Variants in SSH2 observed in about 807,000 individuals in gnomAD.
SSH2 encodes the protein slingshot protein phosphatase 2.
SSH2 carries 37 observed loss-of-function variants against 135.2 expected under a neutral mutation model. The ratio of observed to expected loss-of-function variants is 0.27; its 90% confidence interval spans 0.21 to 0.36. SSH2 has a LOEUF of 0.36. Ranked by LOEUF, SSH2 falls within the 10% of genes least tolerant of loss-of-function variation. The pLI, the probability that SSH2 is intolerant of heterozygous loss-of-function variation, is 1.00. For synonymous variants in SSH2, 628 were observed against 646.2 expected (o/e 0.97, Z 0.43); for missense variants, 1,408 against 1,765.3 (o/e 0.80, Z 3.63).
At chr17:29,724,894 A>T (rs576656972) in intron 3 of SSH2, among the ~76,000 whole-genome samples, 51 of 151,592 alleles carry the variant, frequency 3.4e-4, no homozygotes, top group African/African-American at 1.2e-3. Context: ...CTGGCCGTTA[A>T]TTTTTTCTGA....
Position 29,636,648 on chromosome 17 carries a change from G to A in SSH2, c.1582C>T (p.Pro528Ser), listed in dbSNP as rs1191231236. ...IAEVKTMESH[P>S]PIPPVFVEHM... Reference sequence around the variant, plus strand: ...TCCACAAAGACAGGAGGTATGGGTGGGTGACTCTCCATGGTCTTCACCTCA... The same window carrying A: ...TCCACAAAGACAGGAGGTATGGGTGAGTGACTCTCCATGGTCTTCACCTCA... Residue 528 changes from proline to serine, a missense_variant, in exon 15 of 16, where the codon CCA becomes TCA. Around this residue, in one of 3 missense-constraint regions of SSH2, gnomAD observed 1,080 missense variants for 1,144.5 expected, o/e 0.94. Coordinates refer to ENST00000540801, the MANE Select transcript of SSH2 (RefSeq NM_001282129.2). The A allele has an allele frequency of 6.2e-7, 1 of 1,614,096 alleles. No homozygotes were observed. The highest frequency in any genetic ancestry group is 1.7e-5 in the Admixed American group (1 of 60,018).
At chr17:29,634,762 A>G (rs893113080) in intron 15 of SSH2, among the ~76,000 whole-genome samples, 8 of 152,038 alleles carry the variant, frequency 5.3e-5, no homozygotes, top group African/African-American at 1.9e-4. Flanking sequence ...CATGTTGGCC[A>G]GGATGGTCTT....
intron 1 of SSH2, among the ~76,000 whole-genome samples, chr17:29,855,594 A>C (rs1397903829): frequency 6.6e-6 from 1 of 152,126 alleles, no homozygotes; most frequent in Non-Finnish European, 1.5e-5. Flanking sequence ...GTAAGCTTTT[A>C]ATCCTTTAAA....
At chr17:29,826,785 C>T (rs1055005259) in intron 2 of SSH2, among the ~76,000 whole-genome samples, 1 of 152,088 alleles carries the variant, frequency 6.6e-6, no homozygotes, top group Admixed American at 6.6e-5. Flanking sequence ...ACCATAATAT[C>T]CAGGGAAGAG....
intron 3 of SSH2, among the ~76,000 whole-genome samples, chr17:29,751,577 T>G (rs2040944782): frequency 6.6e-6 from 1 of 152,220 alleles, no homozygotes; most frequent in Non-Finnish European, 1.5e-5. Context: ...CAATGCAGGT[T>G]TGTTTGCACC....
chr17:29,811,052 GTGGCA>G (rs1190829115), intron 2 of SSH2, among the ~76,000 whole-genome samples: 1 of 152,036 alleles, frequency 6.6e-6, no homozygotes, highest in Non-Finnish European at 1.5e-5. Context: ...GTGGAGTGCG[GTGGCA>G]CAATCTCGGC....
chr17:29,813,136 AT>A (rs2042477351), intron 2 of SSH2, among the ~76,000 whole-genome samples: 1 of 152,106 alleles, frequency 6.6e-6, no homozygotes. Context: ...TAATCCCAGC[AT>A]TTTGGGAGGC....
intron 2 of SSH2, among the ~76,000 whole-genome samples, chr17:29,815,918 G>A (rs990383627): frequency 1.3e-5 from 2 of 151,940 alleles, no homozygotes; most frequent in South Asian, 2.1e-4. Context: ...GCGTGATCTC[G>A]GCTCACTGAA....
intron 3 of SSH2, among the ~76,000 whole-genome samples, chr17:29,738,688 G>C (rs902180541): frequency 2.0e-5 from 3 of 151,980 alleles, no homozygotes; most frequent in African/African-American, 7.2e-5. Context: ...CAAGTAGCTG[G>C]GACTACAGGT....
chr17:29,881,466 C>T (rs1293485112), intron 1 of SSH2, among the ~76,000 whole-genome samples: 1 of 151,916 alleles, frequency 6.6e-6, no homozygotes, highest in Middle Eastern at 3.4e-3. Flanking sequence ...TTCATTCTTT[C>T]TTCCTTTTCT....
intron 1 of SSH2, among the ~76,000 whole-genome samples, chr17:29,898,219 C>G (rs868697368): frequency 1.6e-4 from 24 of 152,010 alleles, no homozygotes; most frequent in Admixed American, 5.2e-4. Context: ...ATTAAAAGAA[C>G]TAGAGAAGCA....
intron 3 of SSH2, among the ~76,000 whole-genome samples, chr17:29,773,596 C>A (rs907645591): frequency 1.3e-5 from 2 of 152,154 alleles, no homozygotes; most frequent in African/African-American, 2.4e-5. Context: ...GTTTACACAT[C>A]GCCTTTTGAG....
chr17:29,801,364 A>G (rs2042247934), intron 2 of SSH2, among the ~76,000 whole-genome samples: 1 of 152,136 alleles, frequency 6.6e-6, no homozygotes, highest in Non-Finnish European at 1.5e-5. Flanking sequence ...TATTTTCCCA[A>G]ATCTTATCAT....
At chr17:29,796,534 C>G (rs938459749) in intron 2 of SSH2, among the ~76,000 whole-genome samples, 1 of 151,616 alleles carries the variant, frequency 6.6e-6, no homozygotes, top group Non-Finnish European at 1.5e-5. Flanking sequence ...TAGAGACGGG[C>G]TTTCTCCATG....
intron 3 of SSH2, among the ~76,000 whole-genome samples, chr17:29,790,513 T>C (rs2151300651): frequency 1.3e-5 from 2 of 152,332 alleles, no homozygotes; most frequent in South Asian, 4.1e-4. Flanking sequence ...TTTGTTTTTA[T>C]TGAGCTGTAG....
At chr17:29,780,524 A>C (rs1206345305) in intron 3 of SSH2, 3 of 150,100 alleles carry the variant, frequency 2.0e-5, no homozygotes, top group African/African-American at 7.4e-5. Flanking sequence ...TCCCGGGTTC[A>C]AGCGATTCTC....
At chr17:29,709,007 TATATATATAGAGAG>T (rs2039326757) in intron 3 of SSH2, among the ~76,000 whole-genome samples, 2 of 105,656 alleles carry the variant, frequency 1.9e-5, no homozygotes, top group African/African-American at 6.4e-5. Context: ...TATATATATA[TATATATATAGAGAG>T]AGAGAGAGAG....
intron 12 of SSH2, among the ~76,000 whole-genome samples, chr17:29,655,125 A>G (rs996365093): frequency 6.6e-6 from 1 of 151,042 alleles, no homozygotes; most frequent in African/African-American, 2.4e-5. Context: ...TTTTTTTGAG[A>G]TGGTGTCTCG....
intron 3 of SSH2, among the ~76,000 whole-genome samples, chr17:29,761,984 G>A (rs532968308): frequency 1.1e-4 from 16 of 151,732 alleles, no homozygotes; most frequent in African/African-American, 3.6e-4. Flanking sequence ...AGGTTCAAGC[G>A]ATTCTCCAGC....
Sources: gnomAD v4.1 joint callset for allele counts (sites outside exome capture counted in the v4.1 genomes callset) on GRCh38, gnomAD v4.1.1 for gene constraint, gnomAD v4.1.1 regional missense constraint, MANE v1.5 for transcripts, NCBI Gene and HGNC (gene_info 2026-07-23, HGNC 2026-07-21) for gene names.